Variants in HTR2C observed in about 807,000 individuals in gnomAD.
The protein encoded by HTR2C is 5-hydroxytryptamine receptor 2C.
HTR2C carries 5 observed loss-of-function variants against 21.0 expected under a neutral mutation model. The ratio of observed to expected loss-of-function variants is 0.24; its 90% CI spans 0.12 to 0.50. HTR2C has a LOEUF of 0.50. Ranked by LOEUF, HTR2C falls within the 20% of genes least tolerant of loss-of-function variation. The pLI is 0.98. For synonymous variants in HTR2C, 150 were observed against 145.3 expected, an observed-to-expected ratio of 1.03 and a Z score of -0.23; for missense variants, 271 against 371.2, an observed-to-expected ratio of 0.73 and a Z score of 2.22.
chrX:114,688,358 A>G (rs1251948061), intron 2 of HTR2C, among the ~76,000 whole-genome samples: 1 of 110,031 alleles, frequency 9.1e-6, no homozygotes, highest in Non-Finnish European at 1.9e-5. Flanking sequence ...AAAGAAATTC[A>G]CATGCATCTG....
intron 2 of HTR2C, among the ~76,000 whole-genome samples, chrX:114,723,980 A>T (rs1371414745): frequency 6.1e-5 from 6 of 98,843 alleles, no homozygotes; most frequent in Non-Finnish European, 1.2e-4. Flanking sequence ...TGCTGAAAAA[A>T]ATGTATATTC....
At chrX:114,834,048 G>T (rs1415578410) in intron 4 of HTR2C, among the ~76,000 whole-genome samples, 7 of 111,040 alleles carry the variant, frequency 6.3e-5, no homozygotes, top group Non-Finnish European at 1.3e-4. Context: ...TAGTTTGATT[G>T]CAGTGTGGTC....
intron 5 of HTR2C, among the ~76,000 whole-genome samples, chrX:114,885,595 A>G (rs1227546373): frequency 8.9e-6 from 1 of 112,091 alleles, no homozygotes; most frequent in African/African-American, 3.2e-5. Context: ...ATATTTTAAA[A>G]GAAAGAATTT....
intron 4 of HTR2C, among the ~76,000 whole-genome samples, chrX:114,763,833 C>T (rs2069907773): frequency 9.0e-6 from 1 of 111,048 alleles, no homozygotes; most frequent in South Asian, 3.8e-4. Context: ...TGAATCATTA[C>T]TTTGGGTTTG....
At chrX:114,854,424 T>C (rs1225466293) in intron 5 of HTR2C, among the ~76,000 whole-genome samples, 1 of 111,112 alleles carries the variant, frequency 9.0e-6, no homozygotes, top group Non-Finnish European at 1.9e-5. Context: ...TTTTTTGACT[T>C]TTATAAATTT....
chrX:114,655,039 G>GA (rs371025252), intron 2 of HTR2C, among the ~76,000 whole-genome samples: 6,388 of 80,939 alleles, frequency 0.079, 184 homozygotes, highest in Non-Finnish European at 0.1. Flanking sequence ...GGGTAGAAAA[G>GA]AAAAAAAAAA....
chrX:114,897,304 T>C (rs1310847479), intron 5 of HTR2C, among the ~76,000 whole-genome samples: 1 of 112,157 alleles, frequency 8.9e-6, no homozygotes, highest in African/African-American at 3.2e-5. Context: ...TACTTACATG[T>C]TTACCATTTT....
chrX:114,585,221 C>A (rs1021285375), intron 1 of HTR2C, among the ~76,000 whole-genome samples: 2 of 110,652 alleles, frequency 1.8e-5, no homozygotes, highest in African/African-American at 6.6e-5. Context: ...ATTTTTCTGG[C>A]GGGTCTCAGC....
intron 2 of HTR2C, among the ~76,000 whole-genome samples, chrX:114,624,138 C>T (rs187086700): frequency 2.5e-3 from 272 of 109,176 alleles, no homozygotes; most frequent in African/African-American, 8.4e-3. Context: ...TCATGTGATC[C>T]GCCCGCCTCA....
chrX:114,627,108 T>G (rs782454390), intron 2 of HTR2C, among the ~76,000 whole-genome samples: 2 of 112,003 alleles, frequency 1.8e-5, no homozygotes, highest in South Asian at 7.4e-4. Flanking sequence ...CCAAAAAAGA[T>G]GTAAGCTAGT....
intron 4 of HTR2C, among the ~76,000 whole-genome samples, chrX:114,820,671 G>A (rs912780454): frequency 4.5e-5 from 5 of 110,222 alleles, no homozygotes; most frequent in African/African-American, 9.9e-5. Context: ...GAGATCTCAT[G>A]AGTTTATTAG....
At chrX:114,838,442 C>T (rs1255546461) in intron 4 of HTR2C, among the ~76,000 whole-genome samples, 1 of 111,986 alleles carries the variant, frequency 8.9e-6, no homozygotes, top group Non-Finnish European at 1.9e-5. Flanking sequence ...TTATTCTTTT[C>T]TCAAAGGCAA....
At chrX:114,815,009 A>G (rs1264569977) in intron 4 of HTR2C, among the ~76,000 whole-genome samples, 2 of 103,980 alleles carry the variant, frequency 1.9e-5, no homozygotes, top group African/African-American at 3.4e-5. Context: ...TACATATAAT[A>G]CTTTATACAT....
At chrX:114,770,888 G>A (rs368723986) in intron 4 of HTR2C, among the ~76,000 whole-genome samples, 4 of 95,801 alleles carry the variant, frequency 4.2e-5, no homozygotes, top group African/African-American at 1.6e-4. Flanking sequence ...TGCAACCTCC[G>A]CCTCCCAGGT....
intron 5 of HTR2C, among the ~76,000 whole-genome samples, chrX:114,854,169 G>A (rs1167053446): frequency 9.0e-6 from 1 of 111,270 alleles, no homozygotes; most frequent in Non-Finnish European, 1.9e-5. Flanking sequence ...TTTTGGTCTA[G>A]TGATCTCTGT....
chrX:114,832,703 C>A (rs1352161475), intron 4 of HTR2C, among the ~76,000 whole-genome samples: 1 of 34,743 alleles, frequency 2.9e-5, no homozygotes, highest in African/African-American at 5.9e-5. Flanking sequence ...CTTTCTCCTG[C>A]CTAATTGTCC....
At chrX:114,771,121 A>G (rs150717644) in intron 4 of HTR2C, among the ~76,000 whole-genome samples, 2,105 of 110,838 alleles carry the variant, frequency 0.019, 54 homozygotes, top group African/African-American at 0.066. Context: ...GTTTATTTGT[A>G]TGTCTTACAA....
intron 2 of HTR2C, among the ~76,000 whole-genome samples, chrX:114,616,986 C>T (rs782755133): frequency 2.1e-4 from 24 of 112,439 alleles, no homozygotes; most frequent in Non-Finnish European, 3.8e-4. Flanking sequence ...CTTATATTAA[C>T]AATTTAGGAA....
At chrX:114,718,984 TATA>T (rs58099625) in intron 2 of HTR2C, among the ~76,000 whole-genome samples, 18 of 11,651 alleles carry the variant, frequency 1.5e-3, no homozygotes, top group East Asian at 0.033. Context: ...ATATATATAA[TATA>T]ATAATATAAT....
Sources: gnomAD v4.1 joint callset for allele counts (sites outside exome capture counted in the v4.1 genomes callset) on GRCh38, gnomAD v4.1.1 for gene constraint, MANE v1.5 for transcripts, NCBI Gene and HGNC (gene_info 2026-07-23, HGNC 2026-07-21) for gene names.